Variants in ANKRD36 observed in about 807,000 individuals in gnomAD.
ANKRD36 encodes ankyrin repeat domain 36, also known as ankyrin repeat domain-containing protein 36A.
ANKRD36 carries 179 observed loss-of-function variants against 278.1 expected under a neutral mutation model. The ratio of observed to expected loss-of-function variants is 0.64; its 90% CI spans 0.57 to 0.73. The LOEUF is 0.73. Among genes scored for constraint, ANKRD36 ranks in the 30% least tolerant of loss-of-function variants. ANKRD36 has a pLI of 0.00. For missense variants in ANKRD36, 1,159 were observed against 1,956.7 expected (o/e 0.59, Z 7.69); for synonymous variants, 320 against 641.1 (o/e 0.50, Z 7.57).
intron 12 of ANKRD36, among the ~76,000 whole-genome samples, chr2:97,150,476 A>C (rs1420615917): frequency 6.6e-6 from 1 of 152,282 alleles, no homozygotes; most frequent in African/African-American, 2.4e-5. Flanking sequence ...AATGTGAATC[A>C]ACAAACAGGT....
chr2:97,186,852 T>G (rs1273024998), intron 30 of ANKRD36, among the ~76,000 whole-genome samples: 2 of 151,952 alleles, frequency 1.3e-5, no homozygotes, highest in African/African-American at 4.8e-5. Flanking sequence ...ATGTGCCACC[T>G]GCTTTGACAT....
chr2:97,212,848 A>C (rs1388894624), intron 58 of ANKRD36: 11 of 213,182 alleles, frequency 5.2e-5, no homozygotes, highest in Admixed American at 4.8e-4. Context: ...GGGTGTGAGA[A>C]ATAATGAATA....
At chr2:97,130,938 CA>C (rs1357664054) in intron 6 of ANKRD36, among the ~76,000 whole-genome samples, 2 of 151,882 alleles carry the variant, frequency 1.3e-5, no homozygotes, top group African/African-American at 4.8e-5. Context: ...ATCTTTAGCA[CA>C]GTGACAGTGT....
rs558779781 is a variant in ANKRD36 at position 97,183,640 on chromosome 2, G to A, written c.1925G>A (p.Gly642Glu). The change falls in exon 28 of 76, where the codon GGG becomes GAG. Residue 642 changes from glycine (G) to glutamate (E), a missense_variant. Gly to Glu is a moderately conservative substitution (Grantham distance 98, BLOSUM62 -2). Coordinates refer to ENST00000420699, the MANE Select transcript of ANKRD36 (RefSeq NM_001354587.1). ...LNIATRIMGG[G>E]KSGTVSSQKQ... The stretch of plus-strand genomic sequence containing the variant: ...ATTGCCACAAGAATAATGGGTGGTG[G>A]GAAATCTGGAACAGGTAATTTGGCA... 1.3e-6 allele frequency: 2 copies of A among 1,573,740 alleles called. No individual in the cohort carries two copies. The highest frequency in any genetic ancestry group is 4.7e-5 in the East Asian group (2 of 42,712).
chr2:97,263,175 G>T (rs572301074), intron 75 of ANKRD36, among the ~76,000 whole-genome samples: 2 of 132,642 alleles, frequency 1.5e-5, no homozygotes, highest in African/African-American at 3.0e-5. Context: ...TTAAGTGGTT[G>T]ACCAAAATGA....
At chr2:97,205,011 T>C (rs1237673916) in intron 50 of ANKRD36, among the ~76,000 whole-genome samples, 1 of 151,464 alleles carries the variant, frequency 6.6e-6, no homozygotes, top group Non-Finnish European at 1.5e-5. Flanking sequence ...GGCTTCTTTG[T>C]TCAAGGAGCT....
intron 67 of ANKRD36, among the ~76,000 whole-genome samples, chr2:97,227,481 C>G (rs1374596158): frequency 1.3e-5 from 2 of 152,048 alleles, no homozygotes; most frequent in Middle Eastern, 3.2e-3. Flanking sequence ...ATTTTGTATC[C>G]TGAGACTTTG....
chr2:97,155,427 G>A (rs1210217106), intron 15 of ANKRD36, among the ~76,000 whole-genome samples: 2 of 145,740 alleles, frequency 1.4e-5, no homozygotes, highest in African/African-American at 4.9e-5. Context: ...TGGCAATACA[G>A]CAAGAGCTTA....
intron 15 of ANKRD36, among the ~76,000 whole-genome samples, chr2:97,156,662 A>G (rs2047530397): frequency 1.5e-5 from 2 of 137,242 alleles, no homozygotes; most frequent in African/African-American, 5.2e-5. Flanking sequence ...GCTATTGTGA[A>G]TAGTGCCGCA....
At chr2:97,167,115 G>C (rs893862655) in intron 20 of ANKRD36, among the ~76,000 whole-genome samples, 1 of 152,216 alleles carries the variant, frequency 6.6e-6, no homozygotes, top group Non-Finnish European at 1.5e-5. Flanking sequence ...GGCTAAAGTT[G>C]AGAATCCAGG....
intron 5 of ANKRD36, among the ~76,000 whole-genome samples, chr2:97,126,409 G>A (rs541309305): frequency 6.6e-6 from 1 of 151,376 alleles, no homozygotes; most frequent in African/African-American, 2.4e-5. Flanking sequence ...GTTAACAATC[G>A]TGTTACCTAT....
At chr2:97,148,939 A>G (rs2045124181) in intron 11 of ANKRD36, among the ~76,000 whole-genome samples, 1 of 152,382 alleles carries the variant, frequency 6.6e-6, no homozygotes, top group South Asian at 2.1e-4. Context: ...TGTGTCAGAT[A>G]TCAACTGGAT....
chr2:97,165,896 G>A (rs1323606306), intron 20 of ANKRD36, among the ~76,000 whole-genome samples: 1 of 152,296 alleles, frequency 6.6e-6, no homozygotes, highest in African/African-American at 2.4e-5. Context: ...AGCAAGCAGT[G>A]TTGTCACTTA....
intron 67 of ANKRD36, among the ~76,000 whole-genome samples, chr2:97,225,933 T>C (rs2069397249): frequency 6.6e-6 from 1 of 151,808 alleles, no homozygotes; most frequent in Non-Finnish European, 1.5e-5. Flanking sequence ...ATTTCATCCA[T>C]GTCCCTACAA....
intron 6 of ANKRD36, among the ~76,000 whole-genome samples, chr2:97,136,084 G>A (rs1385944738): frequency 3.3e-5 from 5 of 151,016 alleles, no homozygotes; most frequent in Admixed American, 2.7e-4. Context: ...TAGAGGGTTG[G>A]GACTTCCAGC....
At chr2:97,188,498 C>A (rs1032505197) in intron 32 of ANKRD36, among the ~76,000 whole-genome samples, 20 of 151,470 alleles carry the variant, frequency 1.3e-4, no homozygotes, top group African/African-American at 4.8e-4. Context: ...AATTATTACA[C>A]CACATGGGGG....
intron 66 of ANKRD36, among the ~76,000 whole-genome samples, chr2:97,220,777 T>TTTA (rs1553460265): frequency 7.4e-5 from 7 of 94,500 alleles, no homozygotes; most frequent in Non-Finnish European, 9.4e-5. Flanking sequence ...TTTTTTTAAT[T>TTTA]TTTTTTTTTT....
intron 29 of ANKRD36, 42 bp from the exon 30 acceptor site, chr2:97,185,396 A>G: frequency 6.2e-7 from 1 of 1,608,454 alleles, no homozygotes. Context: ...AGTCCATGAA[A>G]CATACTTTCT....
Position 97,118,194 on chromosome 2 carries a change from C to G in ANKRD36, c.312+16C>G, listed in dbSNP as rs1282115227. On this transcript the variant is annotated intron_variant, in intron 2 of 75. Coordinates refer to ENST00000420699, the MANE Select transcript of ANKRD36 (RefSeq NM_001354587.1). ...TCTGATCAAGGTATATAGTAGCTGA[C>G]TCTTTGAGCATGAGATGGATTTGGT... The G allele has an allele frequency of 6.3e-7, 1 of 1,582,260 alleles. No homozygotes were observed. Among genetic ancestry groups the G allele is most frequent in the African/African-American group, 1.3e-5 (1 of 74,178 alleles).
Sources: allele counts gnomAD v4.1 joint callset (sites outside exome capture counted in the v4.1 genomes callset), GRCh38; gene constraint gnomAD v4.1.1; transcripts MANE v1.5; gene names NCBI Gene and HGNC (gene_info 2026-07-23, HGNC 2026-07-21).